COLGALT2: variants seen among roughly 807,000 people sequenced by gnomAD.
COLGALT2 encodes the protein collagen beta(1-O)galactosyltransferase 2, also known as procollagen galactosyltransferase 2.
A neutral mutation model predicts 73.4 loss-of-function variants in COLGALT2; 49 were observed. The ratio of observed to expected loss-of-function variants is 0.67; its 90% confidence interval spans 0.53 to 0.85. The LOEUF (loss-of-function observed/expected upper bound fraction) is 0.85, where lower values mean the gene tolerates loss of function less well. Ranked by LOEUF, COLGALT2 falls within the 40% of genes least tolerant of loss-of-function variation. COLGALT2 has a pLI of 0.00. For synonymous variants in COLGALT2, 295 were observed against 307.6 expected (o/e 0.96, Z 0.43); for missense variants, 722 against 790.2 (o/e 0.91, Z 1.03).
intron 1 of COLGALT2, among the ~76,000 whole-genome samples, chr1:183,990,899 C>T (rs939499178): frequency 6.6e-6 from 1 of 152,202 alleles, no homozygotes; most frequent in African/African-American, 2.4e-5. Context: ...ATCTTGCCCT[C>T]CTTTAAAAAA....
chr1:183,969,282 G>A lies in COLGALT2; in HGVS notation c.819C>T (p.Ser273=), dbSNP rs2102812364. Residue 273 remains serine, a synonymous_variant, in exon 5 of 12, where the codon TCC becomes TCT. Coordinates refer to ENST00000361927, the MANE Select transcript of COLGALT2 (RefSeq NM_015101.4). The part of the protein sequence containing the change: ...TFDDIIVFAF[S]SRQAGIQMYL... ...GACAAACAGTACCTGCTTGCCTGCT[G>A]GAGAAGGCAAAGACAATGATGTCAT... 1 of 1,611,736 alleles carries A rather than the reference G, an allele frequency of 6.2e-7. No homozygotes were observed. The highest frequency in any genetic ancestry group is 1.1e-5 in the South Asian group (1 of 90,572).
At chr1:183,988,959 G>A (rs556131285) in intron 1 of COLGALT2, among the ~76,000 whole-genome samples, 24 of 152,166 alleles carry the variant, frequency 1.6e-4, no homozygotes, top group East Asian at 5.8e-4. Flanking sequence ...ACCATTTTAC[G>A]TATATAACTT....
intron 1 of COLGALT2, among the ~76,000 whole-genome samples, chr1:183,996,977 CAT>C (rs1671786804): frequency 6.6e-6 from 1 of 152,138 alleles, no homozygotes; most frequent in Non-Finnish European, 1.5e-5. Context: ...GGTCAATACA[CAT>C]GAGGTGAATG....
intron 1 of COLGALT2, among the ~76,000 whole-genome samples, chr1:184,018,661 T>C (rs1649081123): frequency 6.6e-6 from 1 of 152,204 alleles, no homozygotes; most frequent in Non-Finnish European, 1.5e-5. Flanking sequence ...TCTAAATATT[T>C]ATTAAGTAAT....
intron 1 of COLGALT2, among the ~76,000 whole-genome samples, chr1:184,022,650 T>C (rs1472367816): frequency 1.3e-5 from 2 of 152,222 alleles, no homozygotes; most frequent in Non-Finnish European, 2.9e-5. Context: ...AAAGGCAATT[T>C]GTTATCTAAT....
intron 1 of COLGALT2, among the ~76,000 whole-genome samples, chr1:184,034,648 C>A (rs1649617009): frequency 6.6e-6 from 1 of 152,192 alleles, no homozygotes; most frequent in Non-Finnish European, 1.5e-5. Flanking sequence ...TCAGTTCTCT[C>A]ACCTGTAAAG....
downstream of COLGALT2, among the ~76,000 whole-genome samples, chr1:183,934,922 A>G (rs1198833959): frequency 6.6e-6 from 1 of 152,156 alleles, no homozygotes; most frequent in Non-Finnish European, 1.5e-5. Context: ...TTATGATGAG[A>G]CAGCCCTGAG....
Position 183,969,446 on chromosome 1 carries a change from C to T in COLGALT2, c.655G>A (p.Val219Ile), listed in dbSNP as rs763120148. 28 of 1,612,762 alleles carry T rather than the reference C, an allele frequency of 1.7e-5. No homozygotes were observed. The highest frequency in any genetic ancestry group is 1.6e-4 in the East Asian group (7 of 44,846). ...KGFYKRTPDY[V>I]QIREWKRTGC... The stretch of plus-strand genomic sequence containing the variant: ...GTCCTCTTCCATTCTCGAATCTGAA[C>T]GTAGTCTGGGGTCCTCTTATAGAAG... Residue 219 changes from valine (V) to isoleucine (I), a missense_variant, in exon 5 of 12, where the codon GTT (valine) becomes ATT (isoleucine). Transcript: ENST00000361927.
intron 1 of COLGALT2, among the ~76,000 whole-genome samples, chr1:183,996,154 C>T (rs906829516): frequency 2.6e-5 from 4 of 152,220 alleles, no homozygotes; most frequent in African/African-American, 4.8e-5. Context: ...AAATAAACAG[C>T]TCTGCACTGG....
At chr1:183,982,233 G>A (rs998998318) in intron 1 of COLGALT2, among the ~76,000 whole-genome samples, 1 of 152,168 alleles carries the variant, frequency 6.6e-6, no homozygotes. Context: ...GAGCATGTTA[G>A]GACCAAGATG....
chr1:183,930,471 C>T (rs1466884831), intron 11 of COLGALT2, among the ~76,000 whole-genome samples: 1 of 152,042 alleles, frequency 6.6e-6, no homozygotes, highest in Non-Finnish European at 1.5e-5. Context: ...TCACTGCAGA[C>T]TCCGCTTCCT....
intron 1 of COLGALT2, among the ~76,000 whole-genome samples, chr1:183,979,591 C>A (rs1671294847): frequency 6.6e-6 from 1 of 152,024 alleles, no homozygotes; most frequent in Non-Finnish European, 1.5e-5. Flanking sequence ...ATAAATCAAC[C>A]ATAAACAATA....
chr1:183,953,454 T>C (rs1435502259), intron 7 of COLGALT2, among the ~76,000 whole-genome samples: 2 of 152,132 alleles, frequency 1.3e-5, no homozygotes, highest in East Asian at 1.9e-4. Flanking sequence ...CCTGGTTTTG[T>C]CTTATTTTAT....
intron 1 of COLGALT2, among the ~76,000 whole-genome samples, chr1:183,982,041 A>G (rs982532759): frequency 4.6e-5 from 7 of 152,218 alleles, no homozygotes; most frequent in African/African-American, 1.7e-4. Flanking sequence ...ATAACTACAG[A>G]TGACACCAAT....
rs749717228 is a variant in COLGALT2, at chr1:183,938,770, A to G, written c.1872T>C (p.Asp624=). The G allele has an allele frequency of 1.3e-5, 21 of 1,613,954 alleles. No homozygotes were observed. The East Asian group carries it at 4.7e-4, about 36-fold the overall frequency. The change falls in exon 12 of 12, where the codon GAT becomes GAC. Residue 624 remains aspartate (D), a synonymous_variant. Transcript: ENST00000361927. ...CACTCCCAGGGAGCCTTCATAGCTCATCCCTTGAAGGCACAGTGTCCAGGG... is the reference window on the plus strand; with the variant it reads ...CACTCCCAGGGAGCCTTCATAGCTCGTCCCTTGAAGGCACAGTGTCCAGGG... ...PTSLDTVPSR[D]EL
intron 1 of COLGALT2, among the ~76,000 whole-genome samples, chr1:183,996,662 A>T (rs1558330475): frequency 6.6e-6 from 1 of 152,192 alleles, no homozygotes; most frequent in Non-Finnish European, 1.5e-5. Context: ...ATCTGCCTTA[A>T]AACCTCAGTG....
chr1:183,963,157 A>G (rs954938462), intron 6 of COLGALT2, among the ~76,000 whole-genome samples: 5 of 152,230 alleles, frequency 3.3e-5, no homozygotes, highest in Non-Finnish European at 7.3e-5. Flanking sequence ...CAATTCATGC[A>G]TCATGCCAGA....
rs183989927 is a variant in COLGALT2 at position 183,960,471 on chromosome 1, T to C, written c.952+3430A>G. Among the ~76,000 whole-genome samples the C allele has an allele frequency of 2.5e-4, 38 of 152,340 alleles. No individual in the cohort carries two copies. The East Asian group carries it at 6.0e-3, about 24-fold the overall frequency. On this transcript the variant is annotated intron_variant, in intron 6 of 11. Transcript: ENST00000361927. ...TCCTATTTCTTTGATATTTTCTCCT[T>C]TCTCAAAATGCTATACTGTGTTGTT...
rs1252495690 is a variant in COLGALT2, at chr1:183,937,143, G to A, written c.*1618C>T. 32 of 1,228,890 alleles carry A rather than the reference G, an allele frequency of 2.6e-5. 1 individual carries two copies. In the Middle Eastern group the frequency reaches 9.4e-4, roughly 36 times the overall value. The allele number at this position is 1,228,890 out of a possible 1,614,324, so 76.1% of individuals were successfully genotyped here. A position where few individuals can be genotyped will look rare whatever the true frequency, so the allele number is the denominator to read the frequency against. ...TAAGCTTGTGTATGTAGCACCACCC[G>A]CCTGTGGACTCTGCTCTGAAGGGCC... On this transcript the variant is annotated 3_prime_UTR_variant, in exon 12 of 12. Transcript: ENST00000361927.
Sources: allele counts gnomAD v4.1 joint callset (sites outside exome capture counted in the v4.1 genomes callset), GRCh38; gene constraint gnomAD v4.1.1; transcripts MANE v1.5; gene names NCBI Gene and HGNC (gene_info 2026-07-23, HGNC 2026-07-21).